The following HBS1L variants were observed in gnomAD, a reference collection of about 807,000 sequenced individuals.
HBS1L encodes HBS1 like translational GTPase, also known as HBS1-like protein.
In HBS1L, 55 loss-of-function variants were observed where a neutral mutation model predicts 88.9. That is an observed-to-expected ratio of 0.62 (90% CI 0.50 to 0.77). The LOEUF is 0.77. Ranked by LOEUF, HBS1L falls within the 30% of genes least tolerant of loss-of-function variation. HBS1L has a pLI of 0.00. For synonymous variants in HBS1L, 267 were observed against 288.5 expected (o/e 0.93, Z 0.76); for missense variants, 741 against 829.3 (o/e 0.89, Z 1.31).
intron 13 of HBS1L, 99 bp from the exon 14 acceptor site, chr6:134,979,367 C>T (rs1269591251): frequency 1.3e-6 from 1 of 796,726 alleles, no homozygotes; most frequent in South Asian, 1.5e-5. Context: ...TCAGTCACTA[C>T]TCATCATTTT....
intron 4 of HBS1L, among the ~76,000 whole-genome samples, chr6:135,024,180 C>T (rs1776154419): frequency 6.6e-6 from 1 of 152,100 alleles, no homozygotes; most frequent in African/African-American, 2.4e-5. Context: ...GTGGCTCACG[C>T]CTGTAATCCC....
At chr6:134,985,556 C>T in intron 11 of HBS1L, 147 bp from the exon 12 acceptor site, 1 of 528,058 alleles carries the variant, frequency 1.9e-6, no homozygotes, top group Non-Finnish European at 3.4e-6. Flanking sequence ...CTAATATACA[C>T]ATTGAGCATC....
Position 134,990,480 on chromosome 6 carries a change from C to A in HBS1L, c.1084-2689G>T, listed in dbSNP as rs142777207. On this transcript the variant is annotated intron_variant, in intron 8 of 17. Transcript: ENST00000367837. ...GCACACTCGGCAAGTTACTTAACATCTTTGAGTCTCTTTATCTCTTTGTTA... is the reference window on the plus strand; with the variant it reads ...GCACACTCGGCAAGTTACTTAACATATTTGAGTCTCTTTATCTCTTTGTTA... 7.9e-5 allele frequency among the ~76,000 whole-genome samples: 12 copies of A among 152,348 alleles called. 1 individual carries two copies. Among genetic ancestry groups the A allele is most frequent in the African/African-American group, 2.9e-4 (12 of 41,578 alleles).
intron 4 of HBS1L, among the ~76,000 whole-genome samples, chr6:135,021,570 G>GA (rs1472089854): frequency 6.6e-6 from 1 of 151,840 alleles, no homozygotes; most frequent in Non-Finnish European, 1.5e-5. Context: ...AATACTAGCA[G>GA]AAAAAAAGCC....
rs372194004 is a variant in HBS1L at position 134,999,262 on chromosome 6, T to C, written c.540-1606A>G. Among the ~76,000 whole-genome samples the C allele has an allele frequency of 2.0e-5, 3 of 151,784 alleles. No individual in the cohort carries two copies. In the East Asian group the frequency reaches 5.8e-4, roughly 29 times the overall value. ...AAGCAGACAGCTATGGTGGACAGAG[T>C]GGGCAGGGGCTTGAAGCTCAGCTCC... On this transcript the variant is annotated intron_variant, in intron 5 of 17. Coordinates refer to ENST00000367837, the MANE Select transcript of HBS1L (RefSeq NM_006620.4).
intron 15 of HBS1L, among the ~76,000 whole-genome samples, chr6:134,970,835 G>A (rs142448412): frequency 5.1e-4 from 77 of 152,220 alleles, no homozygotes; most frequent in Middle Eastern, 6.8e-3. Context: ...GACTATCCTC[G>A]CTCAAATAAT....
chr6:135,011,639 T>A (rs748690437), intron 4 of HBS1L, among the ~76,000 whole-genome samples: 29 of 151,994 alleles, frequency 1.9e-4, no homozygotes, highest in Admixed American at 3.3e-4. Flanking sequence ...GCGCGGTGGC[T>A]CACACCTGTA....
intron 4 of HBS1L, among the ~76,000 whole-genome samples, chr6:135,022,434 G>C (rs1776099563): frequency 1.3e-5 from 2 of 152,024 alleles, no homozygotes; most frequent in African/African-American, 4.8e-5. Flanking sequence ...AGAGTCTAAA[G>C]CAAATTATTT....
chr6:135,045,829 A>C, intron 2 of HBS1L, among the ~76,000 whole-genome samples: 1 of 135,086 alleles, frequency 7.4e-6, no homozygotes, highest in Admixed American at 7.7e-5. Flanking sequence ...ACAGAATGAG[A>C]CTCCGTCTCA....
At chr6:134,982,959 A>C (rs1455785765) in intron 12 of HBS1L, 6 of 153,408 alleles carry the variant, frequency 3.9e-5, no homozygotes, top group Non-Finnish European at 8.7e-5. Context: ...TAAAATATAC[A>C]ATAGAAACAC....
Position 134,960,758 on chromosome 6 carries a change from A to G in HBS1L, c.*4521T>C, listed in dbSNP as rs1335874649. ...CCTCTGAGCTTTAGTCTTCTCATCTATAGACTGAGGTTAATAATATCTGCC... is the reference window on the plus strand; with the variant it reads ...CCTCTGAGCTTTAGTCTTCTCATCTGTAGACTGAGGTTAATAATATCTGCC... On this transcript the variant is annotated 3_prime_UTR_variant, in exon 18 of 18. Transcript: ENST00000367837. 1 of 152,116 alleles carries G rather than the reference A, an allele frequency of 6.6e-6. No homozygotes were observed. The highest frequency in any genetic ancestry group is 1.5e-5 in the Non-Finnish European group (1 of 67,994). The allele number at this position is 152,116 out of a possible 1,614,324, so 9.4% of individuals were successfully genotyped here. A position where few individuals can be genotyped will look rare whatever the true frequency, so the allele number is the denominator to read the frequency against.
rs569929883 is a variant in HBS1L, at chr6:135,006,774, C to G, written c.431-3932G>C. On this transcript the variant is annotated intron_variant, in intron 4 of 17. Transcript: ENST00000367837. ...AGTGAGGAGATAAGGAAGGAGGATA[C>G]TTAAGAGCATGATGATGATGACGAT... 5.3e-5 allele frequency among the ~76,000 whole-genome samples: 8 copies of G among 152,062 alleles called. No homozygotes were observed. In the South Asian group the frequency reaches 1.7e-3, roughly 32 times the overall value.
Position 135,002,849 on chromosome 6 carries a change from A to G in HBS1L, c.431-7T>C, listed in dbSNP as rs983482383. ...TGGGAATCTACTGGTTTTCCTAGTTAAGGAGTAAAATATAAAAGGCCAATT... is the reference window on the plus strand; with the variant it reads ...TGGGAATCTACTGGTTTTCCTAGTTGAGGAGTAAAATATAAAAGGCCAATT... On this transcript the variant is annotated splice_polypyrimidine_tract_variant and splice_region_variant and intron_variant, in intron 4 of 17. Transcript: ENST00000367837. The G allele has an allele frequency of 2.5e-5, 40 of 1,584,398 alleles. No individual in the cohort carries two copies. The Admixed American group carries it at 2.7e-4, about 11-fold the overall frequency.
rs1022084990 is a variant in HBS1L, at chr6:134,964,657, A to T, written c.*622T>A. On this transcript the variant is annotated 3_prime_UTR_variant, in exon 18 of 18. Coordinates refer to ENST00000367837, the MANE Select transcript of HBS1L (RefSeq NM_006620.4). Reference sequence around the variant, plus strand: ...TATGCTCAAACTAAGGCATTTTATTAGCTGGCTTTACAACTTAAATAATAT... The same window carrying T: ...TATGCTCAAACTAAGGCATTTTATTTGCTGGCTTTACAACTTAAATAATAT... The T allele has an allele frequency of 6.6e-6, 1 of 152,446 alleles. No homozygotes were observed. The highest frequency in any genetic ancestry group is 1.5e-5 in the Non-Finnish European group (1 of 68,242). 9.4% of individuals were successfully genotyped at this position (152,446 alleles called of 1,614,324 possible).
intron 15 of HBS1L, among the ~76,000 whole-genome samples, chr6:134,978,254 C>G (rs1774707087): frequency 6.6e-6 from 1 of 151,838 alleles, no homozygotes; most frequent in Non-Finnish European, 1.5e-5. Context: ...CCAAAATTTT[C>G]TATGCAATCT....
Position 134,979,210 on chromosome 6 carries a change from AAGACTAACATGATC to A in HBS1L, c.1642_1655del (p.Asp548TyrfsTer24), listed in dbSNP as rs1391487158. 6.2e-7 allele frequency: 1 copy of A among 1,612,016 alleles called. No individual in the cohort carries two copies. The highest frequency in any genetic ancestry group is 1.3e-5 in the African/African-American group (1 of 74,808). ...TGATGATATCCATCCCAACCAAAGT[AAGACTAACATGATC>A]GCCTGCTGCCGCCCAGTCGACAGGT... On this transcript the variant is annotated frameshift_variant, in exon 14 of 18. Coordinates refer to ENST00000367837, the MANE Select transcript of HBS1L (RefSeq NM_006620.4). LOFTEE classifies it high-confidence loss of function.
At chr6:134,989,696 C>A (rs535648197) in intron 8 of HBS1L, among the ~76,000 whole-genome samples, 1 of 152,304 alleles carries the variant, frequency 6.6e-6, no homozygotes, top group South Asian at 2.1e-4. Context: ...ATTCCTGTTT[C>A]CTTTTACTCG....
intron 4 of HBS1L, chr6:135,037,970 G>T (rs375147531): frequency 2.6e-6 from 4 of 1,541,590 alleles, no homozygotes; most frequent in South Asian, 1.2e-5. Context: ...TTTGCTGACT[G>T]AGGATAAGAA....
chr6:134,993,087 T>G (rs984071676), intron 8 of HBS1L, among the ~76,000 whole-genome samples: 1 of 152,208 alleles, frequency 6.6e-6, no homozygotes, highest in African/African-American at 2.4e-5. Flanking sequence ...GTTATACATG[T>G]TTGTTGCCTT....
Sources: allele counts gnomAD v4.1 joint callset (sites outside exome capture counted in the v4.1 genomes callset), GRCh38; gene constraint gnomAD v4.1.1; transcripts MANE v1.5; gene names NCBI Gene and HGNC (gene_info 2026-07-23, HGNC 2026-07-21).